The following ENDOV variants were observed in gnomAD, a reference collection of about 807,000 sequenced individuals.
The protein encoded by ENDOV is endonuclease V.
ENDOV carries 37 observed loss-of-function variants against 39.4 expected under a neutral mutation model. The observed-to-expected ratio is 0.94, with a 90% CI of 0.72 to 1.23. The LOEUF (loss-of-function observed/expected upper bound fraction) is 1.23. Ranked by LOEUF, ENDOV falls within the 50% of genes most tolerant of loss-of-function variation. The pLI is 0.00. For missense variants in ENDOV, 441 were observed against 375.7 expected, an observed-to-expected ratio of 1.17 and a Z score of -1.44; for synonymous variants, 186 against 163.4, an observed-to-expected ratio of 1.14 and a Z score of -1.05.
At chr17:80,436,015 C>A in intron 9 of ENDOV, 118 bp from the exon 10 acceptor site, 4 of 1,165,002 alleles carry the variant, frequency 3.4e-6, no homozygotes, top group Non-Finnish European at 5.0e-6. Context: ...TCGGCCTCCC[C>A]AAGTGCTGAG....
At chr17:80,427,726 G>T in intron 7 of ENDOV, 1 of 1,289,270 alleles carries the variant, frequency 7.8e-7, no homozygotes, top group Non-Finnish European at 1.0e-6. Flanking sequence ...GTTAGTGTTG[G>T]TCTGCTCTCT....
chr17:80,434,895 G>A (rs1568259596), intron 9 of ENDOV, among the ~76,000 whole-genome samples: 1 of 152,058 alleles, frequency 6.6e-6, no homozygotes, highest in African/African-American at 2.4e-5. Flanking sequence ...GCAGTGAACC[G>A]TGATTGTGCC....
intron 9 of ENDOV, among the ~76,000 whole-genome samples, chr17:80,432,274 G>A (rs1276709022): frequency 6.6e-6 from 1 of 152,162 alleles, no homozygotes; most frequent in African/African-American, 2.4e-5. Context: ...GGGGCATGGG[G>A]TGGTGGAGTC....
At chr17:80,421,520 G>C (rs913124385) in intron 2 of ENDOV, among the ~76,000 whole-genome samples, 10 of 144,224 alleles carry the variant, frequency 6.9e-5, no homozygotes, top group Non-Finnish European at 7.6e-5. Flanking sequence ...CCAGGTCCCG[G>C]TGGGGGCGGG....
chr17:80,415,671 C>T lies in ENDOV; in HGVS notation c.78C>T (p.Ala26=), dbSNP rs771432879. 7 of 1,612,488 alleles carry T rather than the reference C, an allele frequency of 4.3e-6. No individual in the cohort carries two copies. The highest frequency in any genetic ancestry group is 2.7e-5 in the African/African-American group (2 of 74,914). Residue 26 remains alanine, a synonymous_variant, in exon 2 of 10, where the codon GCC becomes GCT. Transcript: ENST00000518137. ...LWKREQARLK[A]HVVDRDTEAW... is the part of the protein sequence containing the mutation. ...CTAGGGAGCAAGCTCGGCTGAAGGC[C>T]CACGTCGTAGACCGGGACACCGAGG...
chr17:80,429,355 C>T (rs2083122418), intron 8 of ENDOV, among the ~76,000 whole-genome samples: 1 of 152,226 alleles, frequency 6.6e-6, no homozygotes. Context: ...GGATTCCAGG[C>T]CCTGCATCTG....
chr17:80,435,207 C>T lies in ENDOV; in HGVS notation c.839-926C>T, dbSNP rs2083531189. Among the ~76,000 whole-genome samples the T allele has an allele frequency of 2.0e-5, 3 of 151,910 alleles. No homozygotes were observed. The South Asian group carries it at 6.2e-4, about 32-fold the overall frequency. On this transcript the variant is annotated intron_variant, in intron 9 of 9. Coordinates refer to ENST00000518137, the MANE Select transcript of ENDOV (RefSeq NM_173627.5). ...TTGTCATTATTTTCTTGTTAGTGTC[C>T]TTTGATGCATGAAAGTTTTTAAATT...
chr17:80,423,111 G>A (rs934738316), intron 4 of ENDOV, among the ~76,000 whole-genome samples: 6 of 152,212 alleles, frequency 3.9e-5, no homozygotes, highest in Admixed American at 6.5e-5. Context: ...AGTGTGACTC[G>A]GCCCTGGCTG....
At chr17:80,429,952 A>C (rs1220055405) in intron 9 of ENDOV, 121 bp downstream of exon 9, 3 of 1,573,676 alleles carry the variant, frequency 1.9e-6, no homozygotes, top group Non-Finnish European at 1.7e-6. Flanking sequence ...GAAGACAAGA[A>C]GGCCACCGGC....
At chr17:80,427,450 A>G in intron 7 of ENDOV, 3 of 985,464 alleles carry the variant, frequency 3.0e-6, no homozygotes, top group Non-Finnish European at 3.6e-6. Flanking sequence ...GCATCTAGAA[A>G]TAGAGCAAGG....
intron 7 of ENDOV, 167 bp from the exon 8 acceptor site, chr17:80,428,429 C>G (rs905940621): frequency 1.8e-5 from 12 of 664,268 alleles, no homozygotes; most frequent in African/African-American, 5.4e-5. Flanking sequence ...CATGCCTGTC[C>G]CACACTCGCT....
chr17:80,435,174 C>T (rs1411977560), intron 9 of ENDOV, among the ~76,000 whole-genome samples: 4 of 152,054 alleles, frequency 2.6e-5, no homozygotes, highest in East Asian at 1.9e-4. Flanking sequence ...AATATTTTTT[C>T]CTGTGGGTTG....
chr17:80,434,381 T>C (rs929669537), intron 9 of ENDOV, among the ~76,000 whole-genome samples: 1 of 152,226 alleles, frequency 6.6e-6, no homozygotes, highest in African/African-American at 2.4e-5. Context: ...TTCAGGGCTT[T>C]TGTGAATAAT....
chr17:80,423,953 G>A (rs1411367977), intron 5 of ENDOV: 9 of 406,538 alleles, frequency 2.2e-5, no homozygotes, highest in African/African-American at 1.2e-4. Flanking sequence ...AGGCTGTCCC[G>A]GGCGCACTTG....
Position 80,436,233 on chromosome 17 carries a change from CGGTGGTG to C in ENDOV, c.*91_*97del, listed in dbSNP as rs773929034. ...TCCTCGTCTCGTTCCTGATCGAACG[CGGTGGTG>C]AGAGCACACATCCTCGTCTCGTTCC... On this transcript the variant is annotated 3_prime_UTR_variant, in exon 10 of 10. Transcript: ENST00000518137. The C allele has an allele frequency of 2.1e-6, 3 of 1,460,498 alleles. No homozygotes were observed. Among genetic ancestry groups the C allele is most frequent in the African/African-American group, 3.0e-5 (2 of 66,562 alleles). The allele number at this position is 1,460,498 out of a possible 1,614,324, so 90.5% of individuals were successfully genotyped here.
intron 9 of ENDOV, chr17:80,430,397 T>C (rs2083260894): frequency 6.7e-7 from 1 of 1,499,880 alleles, no homozygotes; most frequent in Non-Finnish European, 8.9e-7. Context: ...GTTTATTTAT[T>C]TCCATTGATC....
At chr17:80,432,135 C>T (rs759320444) in intron 9 of ENDOV, among the ~76,000 whole-genome samples, 11 of 152,122 alleles carry the variant, frequency 7.2e-5, no homozygotes, top group Non-Finnish European at 1.5e-4. Flanking sequence ...GAGCTGCAGC[C>T]GTGTCCACCT....
At chr17:80,420,363 T>TGATCCCA (rs2081840672) in intron 2 of ENDOV, 1 of 152,228 alleles carries the variant, frequency 6.6e-6, no homozygotes, top group Non-Finnish European at 1.5e-5. Flanking sequence ...TGTGGGGATG[T>TGATCCCA]CAGTGATCCA....
intron 2 of ENDOV, chr17:80,420,095 C>G: frequency 4.7e-6 from 1 of 213,630 alleles, no homozygotes. Flanking sequence ...CGCACATGCG[C>G]TCTTTGTGTG....
Sources: gnomAD v4.1 joint callset for allele counts (sites outside exome capture counted in the v4.1 genomes callset) on GRCh38, gnomAD v4.1.1 for gene constraint, MANE v1.5 for transcripts, NCBI Gene and HGNC (gene_info 2026-07-23, HGNC 2026-07-21) for gene names.